Variants in PDZRN4 observed in about 807,000 individuals in gnomAD.
PDZRN4 encodes the protein PDZ domain-containing RING finger protein 4.
Under a neutral mutation model 99.0 loss-of-function variants are expected in PDZRN4, and 70 were observed. The observed-to-expected ratio is 0.71, with a 90% CI of 0.58 to 0.86. The LOEUF (loss-of-function observed/expected upper bound fraction) is 0.86. Among genes scored for constraint, PDZRN4 ranks in the 40% least tolerant of loss-of-function variants. The pLI is 0.00. For missense variants in PDZRN4, 1,474 were observed against 1,331.2 expected (o/e 1.11, Z -1.67); for synonymous variants, 551 against 501.6 (o/e 1.10, Z -1.32).
At chr12:41,548,862 T>C (rs756413089) in intron 5 of PDZRN4, among the ~76,000 whole-genome samples, 8 of 152,228 alleles carry the variant, frequency 5.3e-5, no homozygotes, top group Non-Finnish European at 8.8e-5. Context: ...TGTCATTCTA[T>C]GATTAGAAAG....
At chr12:41,341,132 A>C (rs981691501) in intron 3 of PDZRN4, among the ~76,000 whole-genome samples, 2 of 150,572 alleles carry the variant, frequency 1.3e-5, no homozygotes, top group African/African-American at 4.9e-5. Context: ...GATGCAGAGA[A>C]AGCATTTGAC....
intron 3 of PDZRN4, among the ~76,000 whole-genome samples, chr12:41,337,907 T>A (rs12310611): frequency 0.026 from 3,928 of 152,232 alleles, 177 homozygotes; most frequent in African/African-American, 0.088. Context: ...ATCCATTCTC[T>A]TCCTATGTGC....
chr12:41,433,469 C>T (rs1472462516), intron 3 of PDZRN4, among the ~76,000 whole-genome samples: 1 of 152,162 alleles, frequency 6.6e-6, no homozygotes, highest in Non-Finnish European at 1.5e-5. Flanking sequence ...AGCTACGTGT[C>T]TACTAATATT....
At chr12:41,531,479 C>A (rs942190007) in intron 5 of PDZRN4, among the ~76,000 whole-genome samples, 3 of 152,198 alleles carry the variant, frequency 2.0e-5, no homozygotes, top group African/African-American at 7.2e-5. Flanking sequence ...CTCCTGAGGT[C>A]CAGCCTCTTG....
intron 3 of PDZRN4, among the ~76,000 whole-genome samples, chr12:41,288,006 A>C (rs1951431785): frequency 6.6e-6 from 1 of 152,190 alleles, no homozygotes; most frequent in African/African-American, 2.4e-5. Flanking sequence ...AAGCATGTTA[A>C]CAGCTGTCAG....
rs113690045 is a variant in PDZRN4 at position 41,491,261 on chromosome 12, A to T, written c.844-15195A>T. On this transcript the variant is annotated intron_variant, in intron 3 of 9. Coordinates refer to ENST00000402685, the MANE Select transcript of PDZRN4 (RefSeq NM_001164595.2). ...ATCCTGGCCGGGAGTGGTGGCTCAC[A>T]CCTCTAATCCCAGCACTTTGGGAGG... 1.0e-2 allele frequency among the ~76,000 whole-genome samples: 1,517 copies of T among 152,172 alleles called. 25 individuals are homozygous for T. Among genetic ancestry groups the T allele is most frequent in the African/African-American group, 0.034 (1,400 of 41,536 alleles).
chr12:41,378,914 T>C (rs1952102069), intron 3 of PDZRN4, among the ~76,000 whole-genome samples: 1 of 152,190 alleles, frequency 6.6e-6, no homozygotes, highest in African/African-American at 2.4e-5. Context: ...ATACTGGGGA[T>C]ACTGGGACTC....
intron 3 of PDZRN4, among the ~76,000 whole-genome samples, chr12:41,265,024 T>C (rs1399523235): frequency 6.6e-6 from 1 of 152,156 alleles, no homozygotes; most frequent in African/African-American, 2.4e-5. Flanking sequence ...CGGGTTCAAT[T>C]GAAGCCCAGA....
intron 3 of PDZRN4, among the ~76,000 whole-genome samples, chr12:41,291,483 T>C (rs1041556858): frequency 6.6e-6 from 1 of 152,166 alleles, no homozygotes; most frequent in Non-Finnish European, 1.5e-5. Flanking sequence ...AAATTGGGAA[T>C]AATGACTTTC....
rs377504228 is a variant in PDZRN4 at position 41,389,879 on chromosome 12, A to G, written c.844-116577A>G. ...TGCTGGATTTTACCACCTTCTGCAA[A>G]ACACTGAGTGTAGTCATGACATTCA... On this transcript the variant is annotated intron_variant, in intron 3 of 9. Coordinates refer to ENST00000402685, the MANE Select transcript of PDZRN4 (RefSeq NM_001164595.2). Among the ~76,000 whole-genome samples the G allele has an allele frequency of 2.7e-4, 41 of 152,328 alleles. No homozygotes were observed. The South Asian group carries it at 8.3e-3, about 31-fold the overall frequency.
rs78715662 is a variant in PDZRN4 at position 41,251,145 on chromosome 12, T to C, written c.843+56957T>C. ...TTTTCTGCAGCTGATCTGGGTACAA[T>C]AGTTTTGGTACCCATCAAGTGGAAA... On this transcript the variant is annotated intron_variant, in intron 3 of 9. Transcript: ENST00000402685. 4.1e-3 allele frequency among the ~76,000 whole-genome samples: 624 copies of C among 152,298 alleles called. 5 individuals are homozygous for C. Among genetic ancestry groups the C allele is most frequent in the African/African-American group, 0.014 (589 of 41,576 alleles).
At chr12:41,466,522 A>C (rs943942228) in intron 3 of PDZRN4, among the ~76,000 whole-genome samples, 1 of 152,180 alleles carries the variant, frequency 6.6e-6, no homozygotes, top group Non-Finnish European at 1.5e-5. Flanking sequence ...CGGAGACGTT[A>C]GATGACCCTT....
At chr12:41,225,245 G>A (rs551038416) in intron 3 of PDZRN4, among the ~76,000 whole-genome samples, 193 of 152,056 alleles carry the variant, frequency 1.3e-3, no homozygotes, top group African/African-American at 4.5e-3. Context: ...AAGTTGCAAA[G>A]CTAAATAAAG....
At chr12:41,301,286 G>C (rs1198809027) in intron 3 of PDZRN4, among the ~76,000 whole-genome samples, 1 of 151,946 alleles carries the variant, frequency 6.6e-6, no homozygotes, top group African/African-American at 2.4e-5. Flanking sequence ...AGGATTTCTA[G>C]TGTTTTACAT....
chr12:41,248,918 T>C (rs1169903200), intron 3 of PDZRN4, among the ~76,000 whole-genome samples: 1 of 152,192 alleles, frequency 6.6e-6, no homozygotes, highest in Non-Finnish European at 1.5e-5. Context: ...AAAGTAATAT[T>C]TGTTTGGTAA....
intron 5 of PDZRN4, among the ~76,000 whole-genome samples, chr12:41,516,199 C>A (rs1309103860): frequency 6.6e-6 from 1 of 152,038 alleles, no homozygotes; most frequent in Non-Finnish European, 1.5e-5. Flanking sequence ...TATTTTCTGT[C>A]GTTTAGATTA....
At chr12:41,529,229 T>TTGTGTG (rs71081749) in intron 5 of PDZRN4, among the ~76,000 whole-genome samples, 25 of 149,786 alleles carry the variant, frequency 1.7e-4, no homozygotes, top group African/African-American at 5.7e-4. Context: ...GTGTGTGTGT[T>TTGTGTG]TGTGTGTGTG....
At chr12:41,282,106 G>C (rs4567533) in intron 3 of PDZRN4, among the ~76,000 whole-genome samples, 78,250 of 151,920 alleles carry the variant, frequency 0.52, 22,229 homozygotes, top group East Asian at 0.71. Context: ...AGATCCATTG[G>C]TGTGCTGTAT....
At chr12:41,207,211 A>T (rs1324523845) in intron 3 of PDZRN4, among the ~76,000 whole-genome samples, 1 of 151,414 alleles carries the variant, frequency 6.6e-6, no homozygotes, top group African/African-American at 2.4e-5. Context: ...GACATGTGTA[A>T]TTTTTTTTGG....
Sources: allele counts gnomAD v4.1 joint callset (sites outside exome capture counted in the v4.1 genomes callset), GRCh38; gene constraint gnomAD v4.1.1; transcripts MANE v1.5; gene names NCBI Gene and HGNC (gene_info 2026-07-23, HGNC 2026-07-21).